KCNK10: variants seen among roughly 807,000 people sequenced by gnomAD.
The protein encoded by KCNK10 is potassium two pore domain channel subfamily K member 10, also known as potassium channel subfamily K member 10.
In KCNK10, 25 loss-of-function variants were observed where a neutral mutation model predicts 47.7. That is an observed-to-expected ratio of 0.52 (90% CI 0.38 to 0.73). The LOEUF (loss-of-function observed/expected upper bound fraction) is 0.73, where lower values mean the gene tolerates loss of function less well. Among genes scored for constraint, KCNK10 ranks in the 30% least tolerant of loss-of-function variants. The pLI, the probability that KCNK10 is intolerant of heterozygous loss-of-function variation, is 0.00. For synonymous variants in KCNK10, 303 were observed against 285.6 expected (o/e 1.06, Z -0.61); for missense variants, 563 against 714.5 (o/e 0.79, Z 2.42).
rs574263453 is a variant in KCNK10, at chr14:88,235,286, A to G, written c.520+5417T>C. ...AGGAATATCCAGTTTGCCTGGGGCCAGGTATTTTAAAAAGAAGTTGACCCA... is the reference window on the plus strand; with the variant it reads ...AGGAATATCCAGTTTGCCTGGGGCCGGGTATTTTAAAAAGAAGTTGACCCA... On this transcript the variant is annotated intron_variant, in intron 3 of 6. Coordinates refer to ENST00000319231, the MANE Select transcript of KCNK10 (RefSeq NM_138317.3). The G allele has an allele frequency of 3.1e-5, 14 of 455,836 alleles. No individual in the cohort carries two copies. The East Asian group carries it at 9.7e-4, about 32-fold the overall frequency. The allele number at this position is 455,836 out of a possible 1,614,324, so 28.2% of individuals were successfully genotyped here.
intron 4 of KCNK10, among the ~76,000 whole-genome samples, chr14:88,197,282 TA>T (rs11309180): frequency 0.03 from 4,513 of 151,806 alleles, 86 homozygotes; most frequent in Middle Eastern, 0.068. Flanking sequence ...TGGAAAAAAA[TA>T]AAATTCACAA....
Position 88,315,054 on chromosome 14 carries a change from C to T in KCNK10, c.52+7693G>A, listed in dbSNP as rs539569420. Among the ~76,000 whole-genome samples, 3 of 152,300 alleles carry T rather than the reference C, an allele frequency of 2.0e-5. 1 individual carries two copies. In the East Asian group the frequency reaches 5.8e-4, roughly 29 times the overall value. On this transcript the variant is annotated intron_variant, in intron 1 of 6. Coordinates refer to ENST00000319231, the MANE Select transcript of KCNK10 (RefSeq NM_138317.3). The stretch of plus-strand genomic sequence containing the variant: ...TTCTAAATGAGTGGCAGCGCCAGCC[C>T]TAGAAACCAGGTCTCCTATCCTAAG...
intron 1 of KCNK10, among the ~76,000 whole-genome samples, chr14:88,307,150 G>A (rs1318870600): frequency 2.0e-5 from 3 of 152,172 alleles, no homozygotes; most frequent in African/African-American, 4.8e-5. Flanking sequence ...CAGCTCAAGC[G>A]CTTTCAAGAT....
In KCNK10 at chr14:88,240,838, A is replaced by C; in HGVS notation, c.403-18T>G. 6.7e-7 allele frequency: 1 copy of C among 1,491,384 alleles called. No individual in the cohort carries two copies. The highest frequency in any genetic ancestry group is 9.4e-7 in the Non-Finnish European group (1 of 1,068,738). The allele number at this position is 1,491,384 out of a possible 1,614,324, so 92.4% of individuals were successfully genotyped here. A position where few individuals can be genotyped will look rare whatever the true frequency, so the allele number is the denominator to read the frequency against. The stretch of plus-strand genomic sequence containing the variant: ...AGAGCATGCTGCAAAGAAAGGGAAA[A>C]AGCATAAGACTCAGTTTAAAAGTTG... On this transcript the variant is annotated intron_variant, in intron 2 of 6. Coordinates refer to ENST00000319231, the MANE Select transcript of KCNK10 (RefSeq NM_138317.3).
At chr14:88,289,837 G>GC (rs756329618) in intron 1 of KCNK10, among the ~76,000 whole-genome samples, 7 of 152,302 alleles carry the variant, frequency 4.6e-5, no homozygotes, top group Non-Finnish European at 7.3e-5. Flanking sequence ...CACTTGAAGT[G>GC]CCTGGCACAA....
Position 88,227,473 on chromosome 14 carries a change from A to C in KCNK10, c.583T>G (p.Phe195Val), listed in dbSNP as rs1886023750. The change falls in exon 4 of 7, where the codon TTT (phenylalanine) becomes GTT (valine). Residue 195 changes from phenylalanine (F) to valine (V), a missense_variant. Coordinates refer to ENST00000319231, the MANE Select transcript of KCNK10 (RefSeq NM_138317.3). ...GKIFCILYAIFGIPLFGFLLA... is the reference protein window; with the variant it reads ...GKIFCILYAIVGIPLFGFLLA... ...AAGAAACCAAAGAGTGGAATTCCAAAGATGGCATATAAAATACAAAAGATT... is the reference window on the plus strand; with the variant it reads ...AAGAAACCAAAGAGTGGAATTCCAACGATGGCATATAAAATACAAAAGATT... The C allele has an allele frequency of 6.2e-7, 1 of 1,613,798 alleles. No homozygotes were observed. Among genetic ancestry groups the C allele is most frequent in the Non-Finnish European group, 8.5e-7 (1 of 1,179,860 alleles).
intron 2 of KCNK10, 102 bp downstream of exon 2, chr14:88,263,100 A>T: frequency 2.2e-6 from 2 of 917,636 alleles, no homozygotes; most frequent in Non-Finnish European, 3.2e-6. Context: ...CTGACCACCA[A>T]GAGCCTCTCA....
chr14:88,205,313 T>A (rs546633450), intron 4 of KCNK10, among the ~76,000 whole-genome samples: 8 of 152,280 alleles, frequency 5.3e-5, no homozygotes, highest in Admixed American at 5.2e-4. Flanking sequence ...CAGACTCCTG[T>A]TCATTCCTCA....
chr14:88,297,127 T>C (rs758289247), intron 1 of KCNK10, among the ~76,000 whole-genome samples: 2 of 152,168 alleles, frequency 1.3e-5, no homozygotes, highest in Non-Finnish European at 2.9e-5. Context: ...CAGAGCCTGG[T>C]AGGTAGTAAA....
chr14:88,187,824 C>T (rs774975418), intron 6 of KCNK10, 143 bp downstream of exon 6: 2 of 740,576 alleles, frequency 2.7e-6, no homozygotes, highest in Non-Finnish European at 4.5e-6. Flanking sequence ...ACTGATTCAA[C>T]ATGAGGAAGC....
At chr14:88,252,727 C>T (rs1337097203) in intron 2 of KCNK10, among the ~76,000 whole-genome samples, 3 of 152,144 alleles carry the variant, frequency 2.0e-5, no homozygotes, top group Admixed American at 6.5e-5. Context: ...GCCCAATGCG[C>T]ACAGCCAATA....
At chr14:88,210,691 G>C (rs61975836) in intron 4 of KCNK10, among the ~76,000 whole-genome samples, 29,521 of 152,074 alleles carry the variant, frequency 0.19, 3,220 homozygotes, top group East Asian at 0.41. Flanking sequence ...AGGTGCAAGA[G>C]GGAAGCAAGG....
intron 4 of KCNK10, among the ~76,000 whole-genome samples, chr14:88,207,168 CTTTT>C (rs55711197): frequency 3.7e-5 from 4 of 107,748 alleles, no homozygotes; most frequent in Non-Finnish European, 7.2e-5. Context: ...AGGTCACTCT[CTTTT>C]TTTTTTTTTT....
upstream of KCNK10, among the ~76,000 whole-genome samples, chr14:88,324,164 GC>G (rs1406607534): frequency 6.6e-6 from 1 of 152,270 alleles, no homozygotes; most frequent in African/African-American, 2.4e-5. Context: ...CCTGGGACCA[GC>G]AGGGCAGATG....
At chr14:88,200,001 C>A (rs55709532) in intron 4 of KCNK10, among the ~76,000 whole-genome samples, 1 of 151,146 alleles carries the variant, frequency 6.6e-6, no homozygotes, top group African/African-American at 2.4e-5. Flanking sequence ...CTTTCTTTCT[C>A]TTCTTTCCTT....
intron 4 of KCNK10, among the ~76,000 whole-genome samples, chr14:88,204,591 C>A (rs1042568340): frequency 6.6e-6 from 1 of 151,094 alleles, no homozygotes; most frequent in Non-Finnish European, 1.5e-5. Flanking sequence ...CCAACTCCCC[C>A]CTACCCCCGC....
intron 4 of KCNK10, among the ~76,000 whole-genome samples, chr14:88,218,649 A>C (rs1314887056): frequency 6.6e-6 from 1 of 152,148 alleles, no homozygotes; most frequent in African/African-American, 2.4e-5. Flanking sequence ...AAAAAGAAGC[A>C]GGTACTTCCT....
intron 1 of KCNK10, among the ~76,000 whole-genome samples, chr14:88,281,757 T>TAC (rs1022899380): frequency 6.8e-4 from 100 of 146,882 alleles, no homozygotes; most frequent in African/African-American, 2.4e-3. Flanking sequence ...TATATACACA[T>TAC]ACACACACAC....
intron 4 of KCNK10, among the ~76,000 whole-genome samples, chr14:88,208,826 A>G (rs370390256): frequency 5.9e-5 from 9 of 152,324 alleles, no homozygotes; most frequent in African/African-American, 2.2e-4. Flanking sequence ...GACAGTCCTG[A>G]CAACTGAGAC....
Sources: gnomAD v4.1 joint callset for allele counts (sites outside exome capture counted in the v4.1 genomes callset) on GRCh38, gnomAD v4.1.1 for gene constraint, MANE v1.5 for transcripts, NCBI Gene and HGNC (gene_info 2026-07-23, HGNC 2026-07-21) for gene names.